Variants in NCKAP1 observed in about 807,000 individuals in gnomAD.
NCKAP1 encodes the protein NCK associated protein 1, also known as nck-associated protein 1.
Under a neutral mutation model 151.2 loss-of-function variants are expected in NCKAP1, and 21 were observed. The ratio of observed to expected loss-of-function variants is 0.14; its 90% CI spans 0.10 to 0.20. NCKAP1 has a LOEUF of 0.20. Among genes scored for constraint, NCKAP1 ranks in the 10% least tolerant of loss-of-function variants. NCKAP1 has a pLI of 1.00. For missense variants in NCKAP1, 933 were observed against 1,352.1 expected, an observed-to-expected ratio of 0.69 and a Z score of 4.86; for synonymous variants, 484 against 451.8, an observed-to-expected ratio of 1.07 and a Z score of -0.90.
At chr2:182,964,208 C>T (rs1257525101) in intron 17 of NCKAP1, among the ~76,000 whole-genome samples, 3 of 152,116 alleles carry the variant, frequency 2.0e-5, no homozygotes, top group East Asian at 3.9e-4. Context: ...TATGCACATG[C>T]ATGTATGTAT....
chr2:183,005,115 GACA>G (rs531107300), intron 2 of NCKAP1, among the ~76,000 whole-genome samples: 163 of 151,982 alleles, frequency 1.1e-3, no homozygotes, highest in African/African-American at 3.7e-3. Flanking sequence ...TACCTTATTC[GACA>G]ACATTAAACA....
At chr2:182,952,983 T>C in intron 21 of NCKAP1, 60 bp from the exon 22 acceptor site, 1 of 1,522,156 alleles carries the variant, frequency 6.6e-7, no homozygotes, top group Admixed American at 2.0e-5. Flanking sequence ...TGTATCATGA[T>C]ATACATTCCT....
At chr2:183,014,431 G>T (rs1454238200) in intron 2 of NCKAP1, among the ~76,000 whole-genome samples, 1 of 152,014 alleles carries the variant, frequency 6.6e-6, no homozygotes, top group Admixed American at 6.6e-5. Context: ...TTTGTTCAAT[G>T]AAAGTATAAA....
At chr2:183,003,450 C>T (rs535433574) in intron 2 of NCKAP1, 125 bp from the exon 3 acceptor site, 13 of 636,668 alleles carry the variant, frequency 2.0e-5, no homozygotes, top group South Asian at 4.3e-5. Context: ...TAGATGATTA[C>T]GGCTTTTTAA....
At chr2:182,926,986 C>A in intron 29 of NCKAP1, 81 bp from the exon 30 acceptor site, 1 of 878,302 alleles carries the variant, frequency 1.1e-6, no homozygotes, top group Non-Finnish European at 1.8e-6. Context: ...TTTCAACTTC[C>A]AACACATTTC....
chr2:182,986,443 C>T (rs898237372), intron 9 of NCKAP1, among the ~76,000 whole-genome samples: 1 of 151,894 alleles, frequency 6.6e-6, no homozygotes, highest in Non-Finnish European at 1.5e-5. Flanking sequence ...ATATTAAATC[C>T]AACAATAAAA....
chr2:183,035,584 G>GTCC (rs2105903487), intron 1 of NCKAP1, among the ~76,000 whole-genome samples: 1 of 152,196 alleles, frequency 6.6e-6, no homozygotes, highest in South Asian at 2.1e-4. Context: ...TTATAATGCA[G>GTCC]TAAGAATGCA....
At chr2:182,990,026 T>C (rs996310722) in intron 8 of NCKAP1, among the ~76,000 whole-genome samples, 3 of 150,438 alleles carry the variant, frequency 2.0e-5, no homozygotes, top group Non-Finnish European at 4.4e-5. Flanking sequence ...ATATATAATA[T>C]GCATACATAC....
intron 10 of NCKAP1, among the ~76,000 whole-genome samples, chr2:182,985,743 C>T (rs1245557858): frequency 1.4e-5 from 2 of 147,230 alleles, no homozygotes; most frequent in East Asian, 4.0e-4. Flanking sequence ...GTGGAGACTG[C>T]AGTGAGCCGA....
intron 9 of NCKAP1, among the ~76,000 whole-genome samples, chr2:182,988,709 A>G (rs1394957837): frequency 6.6e-6 from 1 of 152,186 alleles, no homozygotes; most frequent in Non-Finnish European, 1.5e-5. Context: ...AAAATTTTAA[A>G]CCTCTAAAAT....
Position 183,007,062 on chromosome 2 carries a change from G to A in NCKAP1, c.220-3737C>T, listed in dbSNP as rs181005369. 1.1e-4 allele frequency among the ~76,000 whole-genome samples: 16 copies of A among 152,174 alleles called. No individual in the cohort carries two copies. The East Asian group carries it at 1.5e-3, about 15-fold the overall frequency. On this transcript the variant is annotated intron_variant, in intron 2 of 30. Transcript: ENST00000361354. ...ATTTCTTTGTATTTTTAGTAGAGGC[G>A]GGGTTTCACCGTGTCGGTCAGGCTG...
chr2:182,994,719 T>C (rs779329395), intron 8 of NCKAP1, 120 bp downstream of exon 8: 80 of 736,804 alleles, frequency 1.1e-4, no homozygotes, highest in Non-Finnish European at 1.5e-4. Flanking sequence ...CTGAAAGAGG[T>C]AATGGACATA....
intron 23 of NCKAP1, among the ~76,000 whole-genome samples, chr2:182,950,811 G>A (rs1697198608): frequency 6.6e-6 from 1 of 152,072 alleles, no homozygotes; most frequent in Non-Finnish European, 1.5e-5. Flanking sequence ...CTGAAATTCA[G>A]GAAAGTCTAA....
chr2:183,034,448 G>C (rs1287537148), intron 1 of NCKAP1, among the ~76,000 whole-genome samples: 5 of 150,828 alleles, frequency 3.3e-5, no homozygotes, highest in Middle Eastern at 3.4e-3. Context: ...AGGAAAAGAC[G>C]CAAGTATTAA....
intron 9 of NCKAP1, among the ~76,000 whole-genome samples, chr2:182,987,674 T>C (rs546472442): frequency 2.0e-5 from 3 of 152,200 alleles, no homozygotes; most frequent in Non-Finnish European, 4.4e-5. Context: ...TAGTACATGA[T>C]ATTAATAAAA....
At chr2:182,935,480 T>C in intron 24 of NCKAP1, 105 bp from the exon 25 acceptor site, 1 of 603,452 alleles carries the variant, frequency 1.7e-6, no homozygotes. Context: ...AAAATTCCCA[T>C]GATAAAAGGC....
intron 6 of NCKAP1, among the ~76,000 whole-genome samples, chr2:182,996,603 G>A (rs1288763636): frequency 1.3e-5 from 2 of 152,110 alleles, no homozygotes; most frequent in Admixed American, 6.5e-5. Flanking sequence ...AACTACAGGC[G>A]CCCGCCACCA....
intron 14 of NCKAP1, 57 bp downstream of exon 14, chr2:182,978,777 A>G: frequency 9.6e-7 from 1 of 1,037,092 alleles, no homozygotes; most frequent in East Asian, 2.6e-5. Context: ...CTCCTTAATA[A>G]TCAAGTTTGA....
At chr2:182,941,985 A>T in intron 24 of NCKAP1, 85 bp downstream of exon 24, 1 of 1,076,810 alleles carries the variant, frequency 9.3e-7, no homozygotes, top group African/African-American at 1.6e-5. Flanking sequence ...TACTACTTGT[A>T]TTTATGTTAC....
Sources: allele counts gnomAD v4.1 joint callset (sites outside exome capture counted in the v4.1 genomes callset), GRCh38; gene constraint gnomAD v4.1.1; transcripts MANE v1.5; gene names NCBI Gene and HGNC (gene_info 2026-07-23, HGNC 2026-07-21).